The following L3MBTL4 variants were observed in gnomAD, a reference collection of about 807,000 sequenced individuals.
L3MBTL4 encodes the protein lethal(3)malignant brain tumor-like protein 4.
A neutral mutation model predicts 84.5 loss-of-function variants in L3MBTL4; 70 were observed. That is an observed-to-expected ratio of 0.83 (90% CI 0.68 to 1.01). The LOEUF is 1.01. Ranked by LOEUF, L3MBTL4 falls within the 50% of genes least tolerant of loss-of-function variation. The probability of loss-of-function intolerance (pLI) is 0.00; values close to 1 mark genes in which losing one functional copy is unlikely to be tolerated. For synonymous variants in L3MBTL4, 274 were observed against 259.8 expected (o/e 1.05, Z -0.52); for missense variants, 715 against 754.8 (o/e 0.95, Z 0.62).
At chr18:5,963,617 T>C (rs376952429) in intron 17 of L3MBTL4, among the ~76,000 whole-genome samples, 3 of 152,386 alleles carry the variant, frequency 2.0e-5, no homozygotes, top group Non-Finnish European at 2.9e-5. Flanking sequence ...AAAAGTTCCA[T>C]GAACTGTATT....
chr18:6,333,194 G>A (rs2052133296), intron 1 of L3MBTL4, among the ~76,000 whole-genome samples: 1 of 152,046 alleles, frequency 6.6e-6, no homozygotes, highest in African/African-American at 2.4e-5. Context: ...AAACTTTCAA[G>A]GGTAGGAATC....
chr18:6,063,674 T>G (rs1323056443), intron 16 of L3MBTL4, among the ~76,000 whole-genome samples: 1 of 152,064 alleles, frequency 6.6e-6, no homozygotes, highest in Non-Finnish European at 1.5e-5. Flanking sequence ...TGTCTATTCA[T>G]GTCCTTTGCC....
chr18:6,225,759 A>T (rs1398556532), intron 10 of L3MBTL4, among the ~76,000 whole-genome samples: 1 of 151,050 alleles, frequency 6.6e-6, no homozygotes, highest in Non-Finnish European at 1.5e-5. Context: ...AAAAAAAATT[A>T]AGGGGAACAT....
At chr18:6,228,049 C>T (rs139556444) in intron 10 of L3MBTL4, among the ~76,000 whole-genome samples, 5 of 152,190 alleles carry the variant, frequency 3.3e-5, no homozygotes, top group East Asian at 1.9e-4. Context: ...AGCTTGACAA[C>T]GTGGTATTAA....
intron 1 of L3MBTL4, among the ~76,000 whole-genome samples, chr18:6,376,667 G>C (rs1284683306): frequency 1.3e-5 from 2 of 152,156 alleles, no homozygotes; most frequent in Non-Finnish European, 2.9e-5. Flanking sequence ...GGACATGGGA[G>C]GTTGAGGCTG....
intron 12 of L3MBTL4, among the ~76,000 whole-genome samples, chr18:6,204,503 A>G (rs750905783): frequency 2.6e-5 from 4 of 152,230 alleles, no homozygotes; most frequent in Non-Finnish European, 5.9e-5. Context: ...CCATAGTTTT[A>G]AAAGAAAAAA....
chr18:6,319,562 C>A (rs2051297304), intron 1 of L3MBTL4, among the ~76,000 whole-genome samples: 1 of 151,846 alleles, frequency 6.6e-6, no homozygotes, highest in Non-Finnish European at 1.5e-5. Context: ...AAACATACAC[C>A]CCTCCTAGAT....
At chr18:6,079,425 G>C (rs1408946628) in intron 16 of L3MBTL4, among the ~76,000 whole-genome samples, 1 of 152,194 alleles carries the variant, frequency 6.6e-6, no homozygotes, top group Non-Finnish European at 1.5e-5. Flanking sequence ...TTAAATTAAA[G>C]AGCACAGTAA....
At chr18:6,057,326 C>T (rs770905058) in intron 16 of L3MBTL4, among the ~76,000 whole-genome samples, 1 of 152,130 alleles carries the variant, frequency 6.6e-6, no homozygotes, top group African/African-American at 2.4e-5. Context: ...TGGGCCATTG[C>T]GCCTGGCCAA....
Position 6,311,510 on chromosome 18 carries a change from G to C in L3MBTL4, c.72+44C>G, listed in dbSNP as rs371496084. On this transcript the variant is annotated intron_variant, in intron 3 of 18. Transcript: ENST00000317931. Reference sequence around the variant, plus strand: ...TACTATTCCATGGTGCATTTTGGTAGCGATCACACACTGTGAGGAAGGGTC... The same window carrying C: ...TACTATTCCATGGTGCATTTTGGTACCGATCACACACTGTGAGGAAGGGTC... 1.9e-5 allele frequency: 29 copies of C among 1,520,496 alleles called. No individual in the cohort carries two copies. In the African/African-American group the frequency reaches 3.8e-4, roughly 20 times the overall value. 94.2% of individuals were successfully genotyped at this position (1,520,496 alleles called of 1,614,324 possible). A position where few individuals can be genotyped will look rare whatever the true frequency, so the allele number is the denominator to read the frequency against.
intron 14 of L3MBTL4, among the ~76,000 whole-genome samples, chr18:6,093,930 G>A (rs1157793146): frequency 6.6e-6 from 1 of 152,190 alleles, no homozygotes; most frequent in African/African-American, 2.4e-5. Flanking sequence ...ATATTTACTG[G>A]TATCAGAGAA....
At position 6,260,877 on chromosome 18, in the gene L3MBTL4, G is replaced by A. The variant is rs142813574; in HGVS notation, c.219+3070C>T. The stretch of plus-strand genomic sequence containing the variant: ...GAGTTTAGTCTGATGCTCCTTCTTG[G>A]AAAGCTGACATGAACCATCTGCCTT... On this transcript the variant is annotated intron_variant, in intron 5 of 18. Transcript: ENST00000317931. 7.7e-4 allele frequency: 117 copies of A among 152,236 alleles called. 1 individual carries two copies. The highest frequency in any genetic ancestry group is 2.7e-3 in the African/African-American group (113 of 41,538). 9.4% of individuals were successfully genotyped at this position (152,236 alleles called of 1,614,324 possible). A position where few individuals can be genotyped will look rare whatever the true frequency, so the allele number is the denominator to read the frequency against.
chr18:6,371,366 G>C (rs2054153905), intron 1 of L3MBTL4, among the ~76,000 whole-genome samples: 1 of 152,166 alleles, frequency 6.6e-6, no homozygotes. Context: ...GTTTTGATGA[G>C]GGTGGAAGAC....
intron 13 of L3MBTL4, among the ~76,000 whole-genome samples, chr18:6,166,319 C>T (rs1268363363): frequency 2.0e-5 from 3 of 152,056 alleles, no homozygotes; most frequent in African/African-American, 7.3e-5. Context: ...CAGCTCTGCA[C>T]CAAGCGGACC....
intron 16 of L3MBTL4, among the ~76,000 whole-genome samples, chr18:6,078,451 A>G (rs1229312193): frequency 6.6e-6 from 1 of 151,526 alleles, no homozygotes; most frequent in Non-Finnish European, 1.5e-5. Flanking sequence ...AAAAAAAAAA[A>G]AAAAGGGGAA....
At position 6,024,066 on chromosome 18, in the gene L3MBTL4, C is replaced by G. The variant is rs532443776; in HGVS notation, c.1445-54504G>C. 7.2e-5 allele frequency among the ~76,000 whole-genome samples: 11 copies of G among 152,058 alleles called. No homozygotes were observed. In the East Asian group the frequency reaches 2.1e-3, roughly 29 times the overall value. On this transcript the variant is annotated intron_variant, in intron 16 of 18. Coordinates refer to ENST00000317931, the MANE Select transcript of L3MBTL4 (RefSeq NM_001330559.2). ...TAATTTTTGTATTTTTAGTAGACACCGGGTTTCACCATGTTGGCCAGGCTG... is the reference window on the plus strand; with the variant it reads ...TAATTTTTGTATTTTTAGTAGACACGGGGTTTCACCATGTTGGCCAGGCTG...
intron 16 of L3MBTL4, among the ~76,000 whole-genome samples, chr18:6,007,525 T>C (rs961199029): frequency 6.6e-6 from 1 of 152,202 alleles, no homozygotes; most frequent in African/African-American, 2.4e-5. Flanking sequence ...TAAATCAATA[T>C]ATTATGTATG....
intron 1 of L3MBTL4, among the ~76,000 whole-genome samples, chr18:6,378,216 T>C (rs926279126): frequency 6.6e-6 from 1 of 152,238 alleles, no homozygotes; most frequent in Admixed American, 6.5e-5. Context: ...TTCTGGATAT[T>C]AGCCCTTTGT....
intron 5 of L3MBTL4, chr18:6,260,550 T>C (rs893923858): frequency 2.0e-5 from 3 of 152,222 alleles, no homozygotes; most frequent in African/African-American, 7.2e-5. Flanking sequence ...GTGCCTATTG[T>C]AATTGGGATT....
Sources: gnomAD v4.1 joint callset for allele counts (sites outside exome capture counted in the v4.1 genomes callset) on GRCh38, gnomAD v4.1.1 for gene constraint, MANE v1.5 for transcripts, NCBI Gene and HGNC (gene_info 2026-07-23, HGNC 2026-07-21) for gene names.